The following PNPLA6 variants were observed in gnomAD, a reference collection of about 807,000 sequenced individuals.
PNPLA6 encodes patatin like domain 6, lysophospholipase.
A neutral mutation model predicts 153.7 loss-of-function variants in PNPLA6; 105 were observed. That is an observed-to-expected ratio of 0.68 (90% CI 0.58 to 0.80). The LOEUF is 0.80. Ranked by LOEUF, PNPLA6 falls within the 30% of genes least tolerant of loss-of-function variation. The pLI is 0.00. For missense variants in PNPLA6, 1,423 were observed against 1,919.3 expected, an observed-to-expected ratio of 0.74 and a Z score of 4.83; for synonymous variants, 825 against 822.2, an observed-to-expected ratio of 1.00 and a Z score of -0.06.
rs768558375 is a variant in PNPLA6, at chr19:7,556,652, C to T, written c.3211-3C>T. On this transcript the variant is annotated splice_region_variant and splice_polypyrimidine_tract_variant and intron_variant, in intron 25 of 31. Transcript: ENST00000600737. Reference sequence around the variant, plus strand: ...TCCCCCACCTCGATCCCTGTCCCCGCAGGACCTGTGGCTGCCTTACTTCAA... The same window carrying T: ...TCCCCCACCTCGATCCCTGTCCCCGTAGGACCTGTGGCTGCCTTACTTCAA... 2.5e-6 allele frequency: 4 copies of T among 1,612,876 alleles called. No homozygotes were observed. Among genetic ancestry groups the T allele is most frequent in the South Asian group, 1.1e-5 (1 of 91,046 alleles).
chr19:7,557,016 C>T, intron 26 of PNPLA6, 152 bp from the exon 27 acceptor site: 1 of 782,668 alleles, frequency 1.3e-6, no homozygotes, highest in Non-Finnish European at 2.3e-6. Flanking sequence ...CCCCTACCTG[C>T]CCCCACTGTG....
intron 24 of PNPLA6, among the ~76,000 whole-genome samples, chr19:7,556,079 T>C (rs2023867914): frequency 1.3e-5 from 1 of 77,976 alleles, no homozygotes; most frequent in African/African-American, 5.9e-5. Flanking sequence ...TTTTTTTTTT[T>C]TGAGACTGAG....
intron 28 of PNPLA6, 81 bp downstream of exon 28, chr19:7,559,232 G>GGGAGGAATCCA (rs1445793463): frequency 2.4e-6 from 3 of 1,224,822 alleles, no homozygotes; most frequent in Admixed American, 1.7e-5. Flanking sequence ...TGGTATGAGG[G>GGGAGGAATCCA]GGAGGAATCC....
intron 13 of PNPLA6, among the ~76,000 whole-genome samples, chr19:7,545,592 G>C (rs1019444639): frequency 6.6e-6 from 1 of 152,078 alleles, no homozygotes; most frequent in Non-Finnish European, 1.5e-5. Flanking sequence ...GCCCCATCTC[G>C]AACTGTGTGC....
intron 13 of PNPLA6, among the ~76,000 whole-genome samples, chr19:7,548,594 A>G (rs561075973): frequency 1.7e-4 from 26 of 152,152 alleles, no homozygotes; most frequent in South Asian, 2.1e-4. Flanking sequence ...ATTATACTGT[A>G]TTATTTAGGG....
intron 18 of PNPLA6, among the ~76,000 whole-genome samples, chr19:7,552,425 C>T (rs560509162): frequency 4.6e-5 from 7 of 152,274 alleles, no homozygotes; most frequent in South Asian, 2.1e-4. Context: ...TCCCCCAAGG[C>T]GGGGGCAGGG....
chr19:7,556,687 A>G lies in PNPLA6; in HGVS notation c.3243A>G (p.Thr1081=). The G allele has an allele frequency of 6.2e-7, 1 of 1,613,702 alleles. No homozygotes were observed. Among genetic ancestry groups the G allele is most frequent in the Non-Finnish European group, 8.5e-7 (1 of 1,179,772 alleles). Residue 1081 remains threonine, a synonymous_variant, in exon 26 of 32, where the codon ACA becomes ACG. Coordinates refer to ENST00000600737, the MANE Select transcript of PNPLA6 (RefSeq NM_001166114.2). ...GGCTGCCTTACTTCAACGTGACCAC[A>G]GATATCACCGCCTCAGCCATGCGAG... The part of the protein sequence containing the change: ...DLWLPYFNVT[T]DITASAMRVH...
upstream of PNPLA6, chr19:7,535,113 G>T (rs981439655): frequency 3.9e-5 from 11 of 280,974 alleles, no homozygotes; most frequent in Non-Finnish European, 6.4e-5. This position sits in a 1 kb window ranked among gnomAD's most constrained non-coding sequence, Gnocchi z 5.0. Context: ...GGTCAGGCTT[G>T]ATCAACCCTG....
rs2023752684 is a variant in PNPLA6, at chr19:7,553,783, G to A, written c.2261-92G>A. 3 of 1,541,132 alleles carry A rather than the reference G, an allele frequency of 1.9e-6. No individual in the cohort carries two copies. The East Asian group carries it at 6.7e-5, about 35-fold the overall frequency. On this transcript the variant is annotated intron_variant, in intron 18 of 31. Coordinates refer to ENST00000600737, the MANE Select transcript of PNPLA6 (RefSeq NM_001166114.2). ...TGGGAGCACAGGAGCAAGAATTTCA[G>A]ATAAGGAGGAAGAGGAAGAAGAGGA...
rs771958835 is a variant in PNPLA6, at chr19:7,556,588, C to T, written c.3210+19C>T. On this transcript the variant is annotated intron_variant, in intron 25 of 31. Transcript: ENST00000600737. ...GATTGAGGTAGGCCCACCTCATCCC[C>T]TGCCCTGCCTACCCCTCCCCGGAGG... The T allele has an allele frequency of 3.2e-6, 5 of 1,584,042 alleles. No homozygotes were observed. In the South Asian group the frequency reaches 3.3e-5, roughly 10 times the overall value.
At chr19:7,547,332 C>T (rs1453338880) in intron 13 of PNPLA6, among the ~76,000 whole-genome samples, 1 of 152,234 alleles carries the variant, frequency 6.6e-6, no homozygotes, top group Non-Finnish European at 1.5e-5. Context: ...TACATTCTCT[C>T]TAACCCTTTG....
Position 7,540,383 on chromosome 19 carries a change from C to A in PNPLA6, c.714+75C>A. ...GGGCAGCAGGCATTGGTCTGTAGAG[C>A]TGGTGGTCTTTGGAGATGCGTCATC... On this transcript the variant is annotated intron_variant, in intron 5 of 31. Coordinates refer to ENST00000600737, the MANE Select transcript of PNPLA6 (RefSeq NM_001166114.2). The surrounding 1 kb of genome is among the most constrained non-coding windows in gnomAD (Gnocchi z 6.8). 1 of 1,494,280 alleles carries A rather than the reference C, an allele frequency of 6.7e-7. No individual in the cohort carries two copies. The highest frequency in any genetic ancestry group is 9.0e-7 in the Non-Finnish European group (1 of 1,106,506). 92.6% of individuals were successfully genotyped at this position (1,494,280 alleles called of 1,614,324 possible).
Position 7,561,707 on chromosome 19 carries a change from G to C in PNPLA6, c.*145G>C. The C allele has an allele frequency of 1.4e-6, 1 of 708,866 alleles. No individual in the cohort carries two copies. Among genetic ancestry groups the C allele is most frequent in the Non-Finnish European group, 2.6e-6 (1 of 391,086 alleles). The allele number at this position is 708,866 out of a possible 1,614,324, so 43.9% of individuals were successfully genotyped here. A position where few individuals can be genotyped will look rare whatever the true frequency, so the allele number is the denominator to read the frequency against. On this transcript the variant is annotated 3_prime_UTR_variant, in exon 32 of 32. Transcript: ENST00000600737. ...GGACTGACCTGCCCTGAGCGGGGAT[G>C]CAGTGTTGCACTGATGACTTGACCA...
rs547728616 is a variant in PNPLA6 at position 7,544,794 on chromosome 19, C to T, written c.1608+1710C>T. On this transcript the variant is annotated intron_variant, in intron 13 of 31. Transcript: ENST00000600737. ...GAACCACCCATGGCAGGGATGGGCT[C>T]TTTTCTGGAGAGGAAGTCAAGGCTT... Among the ~76,000 whole-genome samples the T allele has an allele frequency of 2.0e-5, 3 of 152,226 alleles. No homozygotes were observed. The South Asian group carries it at 6.2e-4, about 32-fold the overall frequency.
In PNPLA6 at chr19:7,541,233, A is replaced by G. The variant is rs1341247404; in HGVS notation, c.925-121A>G. 2 of 1,109,210 alleles carry G rather than the reference A, an allele frequency of 1.8e-6. No individual in the cohort carries two copies. The highest frequency in any genetic ancestry group is 1.5e-5 in the African/African-American group (1 of 64,548). 68.7% of individuals were successfully genotyped at this position (1,109,210 alleles called of 1,614,324 possible). A position where few individuals can be genotyped will look rare whatever the true frequency, so the allele number is the denominator to read the frequency against. ...CTTAGCTGCCTCGCCCCATTTCCCC[A>G]GACTGTGGGTCTCTCCCTGGTTCCC... On this transcript the variant is annotated intron_variant, in intron 7 of 31. Transcript: ENST00000600737. This position sits in a 1 kb window ranked among gnomAD's most constrained non-coding sequence, Gnocchi z 5.2.
At chr19:7,553,342 C>G (rs979839845) in intron 18 of PNPLA6, among the ~76,000 whole-genome samples, 1 of 152,222 alleles carries the variant, frequency 6.6e-6, no homozygotes, top group Non-Finnish European at 1.5e-5. Context: ...ACCTCTGCCT[C>G]CCAGGTTCAA....
At chr19:7,542,529 A>G (rs568824146) in intron 10 of PNPLA6, 32 bp from the exon 11 acceptor site, 1 of 1,503,198 alleles carries the variant, frequency 6.7e-7, no homozygotes, top group East Asian at 2.3e-5. Context: ...TCTCATCTTT[A>G]TGGTTTTTGT....
chr19:7,535,804 C>T lies in PNPLA6; in HGVS notation c.16C>T (p.His6Tyr), dbSNP rs1238018035. MGTSS[H>Y]GLATNSSGAK... ...CATTCTGCAGATGGGGACATCGAGT[C>T]ACGGGCTGGCTACGAACTCCTCGGG... Residue 6 changes from histidine (H) to tyrosine (Y), a missense_variant, in exon 1 of 32, where the codon CAC (histidine) becomes TAC (tyrosine). Physicochemically the swap from His to Tyr is moderately conservative, Grantham distance 83. Coordinates refer to ENST00000600737, the MANE Select transcript of PNPLA6 (RefSeq NM_001166114.2). The surrounding 1 kb of genome is among the most constrained non-coding windows in gnomAD (Gnocchi z 5.0). The T allele has an allele frequency of 5.9e-6, 9 of 1,536,282 alleles. No homozygotes were observed. Among genetic ancestry groups the T allele is most frequent in the African/African-American group, 2.7e-5 (2 of 73,022 alleles).
chr19:7,550,200 C>A, intron 14 of PNPLA6, 88 bp downstream of exon 14: 1 of 1,608,974 alleles, frequency 6.2e-7, no homozygotes, highest in East Asian at 2.2e-5. Flanking sequence ...CAACCTCACT[C>A]CTGGAAGAGC....
Sources: allele counts gnomAD v4.1 joint callset (sites outside exome capture counted in the v4.1 genomes callset), GRCh38; gene constraint gnomAD v4.1.1; non-coding constraint Gnocchi (gnomAD v3.1); transcripts MANE v1.5; gene names NCBI Gene and HGNC (gene_info 2026-07-23, HGNC 2026-07-21).